The following VPS53 variants were observed in gnomAD, a reference collection of about 807,000 sequenced individuals.
VPS53 encodes the protein VPS53 subunit of GARP complex.
Under a neutral mutation model 107.0 loss-of-function variants are expected in VPS53, and 70 were observed. The ratio of observed to expected loss-of-function variants is 0.65; its 90% CI spans 0.54 to 0.80. The LOEUF is 0.80. Ranked by LOEUF, VPS53 falls within the 30% of genes least tolerant of loss-of-function variation. The pLI, the probability that VPS53 is intolerant of heterozygous loss-of-function variation, is 0.00. For missense variants in VPS53, 917 were observed against 1,049.4 expected (o/e 0.87, Z 1.74); for synonymous variants, 409 against 393.3 (o/e 1.04, Z -0.47).
intron 5 of VPS53, chr17:657,692 G>A: frequency 1.8e-6 from 1 of 543,920 alleles, no homozygotes; most frequent in South Asian, 2.3e-5. Context: ...TGTAGTCACT[G>A]GATAGATACA....
At chr17:525,572 T>C (rs1038678477) in intron 19 of VPS53, among the ~76,000 whole-genome samples, 3 of 151,962 alleles carry the variant, frequency 2.0e-5, no homozygotes, top group Non-Finnish European at 4.4e-5. Context: ...CACACACTTG[T>C]AGTCTCAGCT....
chr17:647,197 TG>T (rs1275753624), intron 7 of VPS53, among the ~76,000 whole-genome samples: 7 of 152,198 alleles, frequency 4.6e-5, no homozygotes, highest in African/African-American at 1.7e-4. Context: ...AAACAGAATT[TG>T]TCTATGACCC....
chr17:602,818 T>A (rs1009013853), intron 11 of VPS53, among the ~76,000 whole-genome samples: 2 of 152,204 alleles, frequency 1.3e-5, no homozygotes, highest in African/African-American at 4.8e-5. Context: ...GGAATTCCTT[T>A]ACAGTTTTCA....
At chr17:557,585 T>C (rs1195816422) in intron 15 of VPS53, among the ~76,000 whole-genome samples, 1 of 152,188 alleles carries the variant, frequency 6.6e-6, no homozygotes, top group Admixed American at 6.5e-5. Flanking sequence ...TTTCCTGCCC[T>C]TGACCTGGAA....
Position 519,724 on chromosome 17 carries a change from A to AT in VPS53, c.2328+101dup. The AT allele has an allele frequency of 1.1e-6, 1 of 900,380 alleles. No individual in the cohort carries two copies. The highest frequency in any genetic ancestry group is 2.2e-5 in the Admixed American group (1 of 45,276). 55.8% of individuals were successfully genotyped at this position (900,380 alleles called of 1,614,324 possible). ...TTGCTCTGTGGAGCCAGGCACATGC[A>AT]TTTTGAGAAAGCCCCCCCGGAACTT... On this transcript the variant is annotated intron_variant, in intron 21 of 21. Coordinates refer to ENST00000437048, the MANE Select transcript of VPS53 (RefSeq NM_001128159.3). This position sits in a 1 kb window ranked among gnomAD's most constrained non-coding sequence, Gnocchi z 5.0.
chr17:672,152 A>ACACACACACAC (rs1555578480), intron 4 of VPS53, among the ~76,000 whole-genome samples: 1 of 118,782 alleles, frequency 8.4e-6, no homozygotes, highest in African/African-American at 3.2e-5. Context: ...ACACACACAC[A>ACACACACACAC]ATCTCTCTCT....
At chr17:651,096 C>A (rs1597437887) in intron 7 of VPS53, among the ~76,000 whole-genome samples, 1 of 152,132 alleles carries the variant, frequency 6.6e-6, no homozygotes, top group Non-Finnish European at 1.5e-5. Context: ...AATACACACA[C>A]AAATCCAGAG....
At chr17:664,780 C>T (rs768643636) in intron 4 of VPS53, among the ~76,000 whole-genome samples, 26 of 152,098 alleles carry the variant, frequency 1.7e-4, no homozygotes, top group Non-Finnish European at 3.1e-4. Flanking sequence ...GGGAAGACGC[C>T]GAGCGATTCA....
At chr17:555,571 G>A (rs1416376631) in intron 15 of VPS53, among the ~76,000 whole-genome samples, 1 of 152,046 alleles carries the variant, frequency 6.6e-6, no homozygotes, top group Non-Finnish European at 1.5e-5. Flanking sequence ...CTGACCTCAG[G>A]TGATCCACCC....
In VPS53 at chr17:519,133, GTCTCTTTTTAATGAGTT is replaced by G; in HGVS notation, c.2477_2493del (p.Lys826ThrfsTer48). ...CAAAGGGCCCCTTGCTGCTGCTACA[GTCTCTTTTTAATGAGTT>G]TCTCGAGCTTGCGGATGCGTGACGA... On this transcript the variant is annotated frameshift_variant, in exon 22 of 22. Coordinates refer to ENST00000437048, the MANE Select transcript of VPS53 (RefSeq NM_001128159.3). LOFTEE classifies it high-confidence loss of function. The surrounding 1 kb of genome is among the most constrained non-coding windows in gnomAD (Gnocchi z 5.0). The G allele has an allele frequency of 6.6e-7, 1 of 1,515,764 alleles. No homozygotes were observed. The highest frequency in any genetic ancestry group is 8.9e-7 in the Non-Finnish European group (1 of 1,129,906). 93.9% of individuals were successfully genotyped at this position (1,515,764 alleles called of 1,614,324 possible).
intron 4 of VPS53, among the ~76,000 whole-genome samples, chr17:686,335 G>A (rs1972585546): frequency 1.3e-5 from 2 of 152,080 alleles, no homozygotes; most frequent in Admixed American, 6.6e-5. Flanking sequence ...AGAAAAAAAA[G>A]AAGAATTTGG....
intron 13 of VPS53, among the ~76,000 whole-genome samples, chr17:581,484 C>T (rs752741515): frequency 6.6e-5 from 10 of 151,078 alleles, no homozygotes; most frequent in Non-Finnish European, 1.2e-4. Flanking sequence ...GAACATAATG[C>T]GTTCCCAAAG....
rs545853792 is a variant in VPS53 at position 516,400 on chromosome 17, C to T, written c.*2728G>A. The T allele has an allele frequency of 3.3e-5, 5 of 152,204 alleles. No homozygotes were observed. Among genetic ancestry groups the T allele is most frequent in the African/African-American group, 1.2e-4 (5 of 41,514 alleles). 9.4% of individuals were successfully genotyped at this position (152,204 alleles called of 1,614,324 possible). A position where few individuals can be genotyped will look rare whatever the true frequency, so the allele number is the denominator to read the frequency against. On this transcript the variant is annotated 3_prime_UTR_variant, in exon 22 of 22. Coordinates refer to ENST00000437048, the MANE Select transcript of VPS53 (RefSeq NM_001128159.3). Reference sequence around the variant, plus strand: ...TTGTTTGTTTTGAGATAGAGTCTCACTCTGTCGCCAGGCTGGAGTGCAGTG... The same window carrying T: ...TTGTTTGTTTTGAGATAGAGTCTCATTCTGTCGCCAGGCTGGAGTGCAGTG...
chr17:694,533 C>A (rs1241056055), intron 4 of VPS53, among the ~76,000 whole-genome samples: 1 of 152,188 alleles, frequency 6.6e-6, no homozygotes, highest in African/African-American at 2.4e-5. Flanking sequence ...TGTAAGACTT[C>A]TAGTGAGCCA....
chr17:570,053 A>G (rs1310556889), intron 13 of VPS53, among the ~76,000 whole-genome samples: 4 of 152,092 alleles, frequency 2.6e-5, no homozygotes, highest in Non-Finnish European at 4.4e-5. Context: ...TAGAGACAAC[A>G]TCTACACCAA....
Position 532,828 on chromosome 17 carries a change from T to G in VPS53, c.2085+14A>C. ...AAGCTGCCAGGCAAATGCCTGATAC[T>G]ACGTCCATCTCACCTGTTCTGCTCC... On this transcript the variant is annotated intron_variant, in intron 19 of 21. Coordinates refer to ENST00000437048, the MANE Select transcript of VPS53 (RefSeq NM_001128159.3). The G allele has an allele frequency of 6.2e-7, 1 of 1,613,674 alleles. No individual in the cohort carries two copies. The highest frequency in any genetic ancestry group is 8.5e-7 in the Non-Finnish European group (1 of 1,179,716).
intron 20 of VPS53, among the ~76,000 whole-genome samples, 194 bp downstream of exon 20, chr17:521,407 G>A (rs1466632241): frequency 6.6e-6 from 1 of 152,142 alleles, no homozygotes; most frequent in East Asian, 1.9e-4. Context: ...TTTGTCAGAA[G>A]GAATTACTGA....
In VPS53 at chr17:546,439, G is replaced by A. The variant is rs561827333; in HGVS notation, c.1866+5433C>T. On this transcript the variant is annotated intron_variant, in intron 17 of 21. Transcript: ENST00000437048. Reference sequence around the variant, plus strand: ...AAAGTGAAAAGGCAACCCACCCACAGAATGGGAGAGAATATTTACAAATTT... The same window carrying A: ...AAAGTGAAAAGGCAACCCACCCACAAAATGGGAGAGAATATTTACAAATTT... Among the ~76,000 whole-genome samples, 14 of 151,268 alleles carry A rather than the reference G, an allele frequency of 9.3e-5. No homozygotes were observed. The East Asian group carries it at 2.7e-3, about 29-fold the overall frequency.
Position 714,618 on chromosome 17 carries a change from C to G in VPS53, c.87+5G>C. The G allele has an allele frequency of 6.2e-7, 1 of 1,610,734 alleles. No individual in the cohort carries two copies. Among genetic ancestry groups the G allele is most frequent in the South Asian group, 1.1e-5 (1 of 90,942 alleles). The stretch of plus-strand genomic sequence containing the variant: ...GTTTCCCCTCCTGAGGGGCGGAACG[C>G]TTACCTGCTCGATGGCCAGCTGCAC... On this transcript the variant is annotated splice_donor_5th_base_variant and intron_variant, in intron 1 of 21. Transcript: ENST00000437048.
Sources: gnomAD v4.1 joint callset for allele counts (sites outside exome capture counted in the v4.1 genomes callset) on GRCh38, gnomAD v4.1.1 for gene constraint, Gnocchi (gnomAD v3.1) non-coding constraint, MANE v1.5 for transcripts, NCBI Gene and HGNC (gene_info 2026-07-23, HGNC 2026-07-21) for gene names.